The following CLSTN2 variants were observed in gnomAD, a reference collection of about 807,000 sequenced individuals.
The protein encoded by CLSTN2 is calsyntenin 2.
Under a neutral mutation model 101.2 loss-of-function variants are expected in CLSTN2, and 48 were observed. The observed-to-expected ratio is 0.47, with a 90% CI of 0.38 to 0.60. The LOEUF is 0.60. Among genes scored for constraint, CLSTN2 ranks in the 20% least tolerant of loss-of-function variants. CLSTN2 has a pLI of 0.00. For synonymous variants in CLSTN2, 481 were observed against 463.6 expected (o/e 1.04, Z -0.48); for missense variants, 1,160 against 1,238.2 (o/e 0.94, Z 0.95).
In CLSTN2 at chr3:140,241,074, G is replaced by C. The variant is rs943605369; in HGVS notation, c.232+65001G>C. Among the ~76,000 whole-genome samples the C allele has an allele frequency of 2.6e-5, 4 of 152,140 alleles. 1 individual carries two copies. Among genetic ancestry groups the C allele is most frequent in the African/African-American group, 9.7e-5 (4 of 41,426 alleles). Reference sequence around the variant, plus strand: ...GTCAGCTTAGAAATCGTGACTTGTAGTTATGGTTCTATGCTTTCTGTTCTT... The same window carrying C: ...GTCAGCTTAGAAATCGTGACTTGTACTTATGGTTCTATGCTTTCTGTTCTT... On this transcript the variant is annotated intron_variant, in intron 2 of 16. Transcript: ENST00000458420.
At chr3:140,104,803 A>T (rs1465361593) in intron 1 of CLSTN2, among the ~76,000 whole-genome samples, 1 of 152,174 alleles carries the variant, frequency 6.6e-6, no homozygotes, top group Admixed American at 6.5e-5. Flanking sequence ...ATGAAACTTC[A>T]TCTCTACTAA....
chr3:139,957,515 C>G (rs766225385), intron 1 of CLSTN2, among the ~76,000 whole-genome samples: 1 of 151,236 alleles, frequency 6.6e-6, no homozygotes, highest in Non-Finnish European at 1.5e-5. Flanking sequence ...ATCTGAGAAG[C>G]CTGATTGGTT....
At chr3:140,253,576 C>T (rs2086581142) in intron 2 of CLSTN2, among the ~76,000 whole-genome samples, 1 of 152,156 alleles carries the variant, frequency 6.6e-6, no homozygotes, top group Non-Finnish European at 1.5e-5. Context: ...GCATTCCAGC[C>T]TTTCCTGACA....
At chr3:140,029,589 T>C (rs932657983) in intron 1 of CLSTN2, among the ~76,000 whole-genome samples, 2 of 152,142 alleles carry the variant, frequency 1.3e-5, no homozygotes, top group African/African-American at 4.8e-5. Flanking sequence ...ACAGTTTGAC[T>C]CAATGAATTA....
Position 140,448,209 on chromosome 3 carries a change from C to CTGTGTGTG in CLSTN2, c.788-283_788-276dup, listed in dbSNP as rs55857773. ...GGCTGGTATATGTTTGAGGGTGTGA[C>CTGTGTGTG]TGTGTGTGTGTGTGTGTGTGTGTGT... On this transcript the variant is annotated intron_variant, in intron 5 of 16. Transcript: ENST00000458420. Among the ~76,000 whole-genome samples the CTGTGTGTG allele has an allele frequency of 7.1e-3, 1,055 of 148,386 alleles. 13 individuals are homozygous for CTGTGTGTG. The highest frequency in any genetic ancestry group is 0.022 in the African/African-American group (898 of 40,586).
At chr3:140,470,850 C>T (rs1933828350) in intron 8 of CLSTN2, among the ~76,000 whole-genome samples, 1 of 152,168 alleles carries the variant, frequency 6.6e-6, no homozygotes, top group Non-Finnish European at 1.5e-5. Context: ...CCTGGACAGA[C>T]ATGTTTGAAC....
chr3:140,328,333 AC>A (rs1160452949), intron 2 of CLSTN2, among the ~76,000 whole-genome samples: 1 of 152,144 alleles, frequency 6.6e-6, no homozygotes, highest in East Asian at 1.9e-4. Flanking sequence ...ATTTTTCAAA[AC>A]CCAGGGCAGA....
intron 2 of CLSTN2, among the ~76,000 whole-genome samples, chr3:140,388,480 A>C (rs1349504304): frequency 6.6e-6 from 1 of 152,232 alleles, no homozygotes; most frequent in Non-Finnish European, 1.5e-5. Context: ...GTAACGTGTA[A>C]AGAAAAAGCC....
In CLSTN2 at chr3:140,403,767, T is replaced by C. The variant is rs2107978664; in HGVS notation, c.371T>C (p.Ile124Thr). 2.5e-6 allele frequency: 4 copies of C among 1,614,180 alleles called. No homozygotes were observed. Among genetic ancestry groups the C allele is most frequent in the East Asian group, 4.5e-5 (2 of 44,884 alleles). Reference protein sequence around the residue: ...CELQKEYTFIIQAYDCGAGPH... With the variant: ...CELQKEYTFITQAYDCGAGPH... ...TTGCAGAAGGAGTACACATTCATCATCCAGGCCTATGACTGTGGTGCTGGG... is the reference window on the plus strand; with the variant it reads ...TTGCAGAAGGAGTACACATTCATCACCCAGGCCTATGACTGTGGTGCTGGG... Residue 124 changes from isoleucine to threonine, a missense_variant, in exon 3 of 17, where the codon ATC becomes ACC. By Grantham distance (89) the Ile-to-Thr change is moderately conservative (BLOSUM62 -1). Transcript: ENST00000458420.
intron 2 of CLSTN2, among the ~76,000 whole-genome samples, chr3:140,398,855 A>C (rs559000144): frequency 1.3e-5 from 2 of 152,366 alleles, no homozygotes; most frequent in East Asian, 3.9e-4. Context: ...AGGTATTAGG[A>C]GACAACTACA....
chr3:140,418,233 C>T (rs1030442837), intron 4 of CLSTN2, among the ~76,000 whole-genome samples: 2 of 152,044 alleles, frequency 1.3e-5, no homozygotes, highest in African/African-American at 2.4e-5. Flanking sequence ...CAACTATAAC[C>T]ACATATAAGT....
At chr3:140,557,498 G>C (rs1453466678) in intron 11 of CLSTN2, among the ~76,000 whole-genome samples, 1 of 152,204 alleles carries the variant, frequency 6.6e-6, no homozygotes, top group East Asian at 1.9e-4. Context: ...GTGAAGATGA[G>C]AGAACAAATT....
intron 2 of CLSTN2, among the ~76,000 whole-genome samples, chr3:140,294,410 T>C (rs2086983342): frequency 6.6e-6 from 1 of 152,192 alleles, no homozygotes; most frequent in Non-Finnish European, 1.5e-5. Context: ...TCTTTTTTAC[T>C]GGAGGCCCCA....
intron 2 of CLSTN2, among the ~76,000 whole-genome samples, chr3:140,390,645 T>C (rs1010268171): frequency 6.6e-6 from 1 of 152,238 alleles, no homozygotes; most frequent in Admixed American, 6.5e-5. Context: ...TCCATTACTT[T>C]CTTGATCACT....
At chr3:140,415,438 C>A (rs1455996070) in intron 4 of CLSTN2, among the ~76,000 whole-genome samples, 1 of 90,624 alleles carries the variant, frequency 1.1e-5, no homozygotes, top group Admixed American at 1.6e-4. Flanking sequence ...ACCATATATG[C>A]AATAAAGTTA....
At chr3:140,281,097 G>A (rs962664160) in intron 2 of CLSTN2, among the ~76,000 whole-genome samples, 2 of 152,224 alleles carry the variant, frequency 1.3e-5, no homozygotes, top group South Asian at 4.1e-4. Context: ...AGGTCTAAAT[G>A]GGAGTGTGAG....
intron 2 of CLSTN2, among the ~76,000 whole-genome samples, chr3:140,258,977 T>C (rs1364309120): frequency 6.6e-6 from 1 of 152,230 alleles, no homozygotes; most frequent in Non-Finnish European, 1.5e-5. Flanking sequence ...TGACTGCTTA[T>C]GTGGAGCAGA....
rs1318593458 is a variant in CLSTN2, at chr3:140,427,223, A to G, written c.787+5949A>G. Among the ~76,000 whole-genome samples, 223 of 102,884 alleles carry G rather than the reference A, an allele frequency of 2.2e-3. 7 individuals are homozygous for G. Among genetic ancestry groups the G allele is most frequent in the Admixed American group, 3.8e-3 (38 of 10,030 alleles). The allele number at this position is 102,884 out of a possible 152,430, so 67.5% of individuals were successfully genotyped here. A position where few individuals can be genotyped will look rare whatever the true frequency, so the allele number is the denominator to read the frequency against. Reference sequence around the variant, plus strand: ...TATATATGTGTATATATATATATATATGTGTGTATATATATATATATACAT... The same window carrying G: ...TATATATGTGTATATATATATATATGTGTGTGTATATATATATATATACAT... On this transcript the variant is annotated intron_variant, in intron 5 of 16. Coordinates refer to ENST00000458420, the MANE Select transcript of CLSTN2 (RefSeq NM_022131.3).
intron 2 of CLSTN2, among the ~76,000 whole-genome samples, chr3:140,233,042 T>C (rs1335894518): frequency 6.6e-6 from 1 of 152,096 alleles, no homozygotes; most frequent in East Asian, 1.9e-4. Flanking sequence ...TTCTTGATGG[T>C]TTAGAAAGCT....
Sources: gnomAD v4.1 joint callset for allele counts (sites outside exome capture counted in the v4.1 genomes callset) on GRCh38, gnomAD v4.1.1 for gene constraint, MANE v1.5 for transcripts, NCBI Gene and HGNC (gene_info 2026-07-23, HGNC 2026-07-21) for gene names.